BNC2: variants seen among roughly 807,000 people sequenced by gnomAD.
BNC2 encodes basonuclin zinc finger protein 2.
BNC2 carries 20 observed loss-of-function variants against 76.3 expected under a neutral mutation model. The ratio of observed to expected loss-of-function variants is 0.26; its 90% CI spans 0.18 to 0.38. The LOEUF is 0.38. Among genes scored for constraint, BNC2 ranks in the 10% least tolerant of loss-of-function variants. The probability of loss-of-function intolerance (pLI) is 1.00; values close to 1 mark genes in which losing one functional copy is unlikely to be tolerated. For missense variants in BNC2, 1,382 were observed against 1,399.8 expected, an observed-to-expected ratio of 0.99 and a Z score of 0.20; for synonymous variants, 582 against 514.8, an observed-to-expected ratio of 1.13 and a Z score of -1.77.
chr9:16,471,633 T>C (rs1821827888), intron 5 of BNC2, among the ~76,000 whole-genome samples: 1 of 152,202 alleles, frequency 6.6e-6, no homozygotes, highest in Admixed American at 6.5e-5. Flanking sequence ...GAAGGGACTT[T>C]AGCCTTGTCT....
intron 5 of BNC2, among the ~76,000 whole-genome samples, chr9:16,547,676 A>C (rs1293850285): frequency 6.6e-6 from 1 of 152,226 alleles, no homozygotes; most frequent in Non-Finnish European, 1.5e-5. Flanking sequence ...CTAGAAGAGA[A>C]GAAATTACCC....
chr9:16,824,815 C>T (rs760075118), intron 1 of BNC2, among the ~76,000 whole-genome samples: 1 of 152,118 alleles, frequency 6.6e-6, no homozygotes, highest in South Asian at 2.1e-4. Context: ...AAAGAGAACC[C>T]AAAGCCACAG....
intron 3 of BNC2, among the ~76,000 whole-genome samples, chr9:16,721,128 G>A (rs957497774): frequency 3.3e-5 from 5 of 152,168 alleles, no homozygotes; most frequent in Admixed American, 2.6e-4. Flanking sequence ...CATGGCCCCA[G>A]ACATCATTTC....
intron 3 of BNC2, among the ~76,000 whole-genome samples, chr9:16,713,014 C>A (rs1823893850): frequency 6.6e-6 from 1 of 152,202 alleles, no homozygotes; most frequent in Non-Finnish European, 1.5e-5. Context: ...GAATTCCTTT[C>A]CCTAAGAAGA....
intron 5 of BNC2, among the ~76,000 whole-genome samples, chr9:16,465,327 T>G (rs1454281126): frequency 6.7e-6 from 1 of 149,964 alleles, no homozygotes; most frequent in Non-Finnish European, 1.5e-5. Context: ...TCCCAGCTAC[T>G]ATGGAGGCTT....
chr9:16,862,703 G>T (rs184748417), intron 1 of BNC2, among the ~76,000 whole-genome samples: 1 of 152,118 alleles, frequency 6.6e-6, no homozygotes, highest in South Asian at 2.1e-4. Flanking sequence ...TCTAATTTGG[G>T]GGTTTTCATT....
At chr9:16,734,974 AAAAC>A (rs1824622313) in intron 2 of BNC2, among the ~76,000 whole-genome samples, 1 of 152,218 alleles carries the variant, frequency 6.6e-6, no homozygotes, top group Non-Finnish European at 1.5e-5. Context: ...TGTACCAACT[AAAAC>A]AATCAATGTA....
At chr9:16,630,803 G>A (rs113181486) in intron 3 of BNC2, among the ~76,000 whole-genome samples, 3,715 of 148,888 alleles carry the variant, frequency 0.025, 163 homozygotes, top group African/African-American at 0.089. Context: ...GCAACGGTGC[G>A]ATCTCGGCTC....
At chr9:16,655,236 T>C (rs1042684332) in intron 3 of BNC2, among the ~76,000 whole-genome samples, 2 of 152,124 alleles carry the variant, frequency 1.3e-5, no homozygotes, top group South Asian at 2.1e-4. Flanking sequence ...TTCATGACCA[T>C]GCTAATTTTA....
intron 1 of BNC2, among the ~76,000 whole-genome samples, chr9:16,841,574 T>G (rs770581470): frequency 1.1e-4 from 17 of 152,290 alleles, no homozygotes; most frequent in African/African-American, 2.9e-4. Context: ...GTCATTTAAG[T>G]TAACAATGGA....
At chr9:16,576,629 T>C (rs904244937) in intron 4 of BNC2, among the ~76,000 whole-genome samples, 1 of 152,238 alleles carries the variant, frequency 6.6e-6, no homozygotes, top group Non-Finnish European at 1.5e-5. Context: ...TTGATCTGCC[T>C]TGCTTGTAAG....
intron 3 of BNC2, among the ~76,000 whole-genome samples, chr9:16,712,205 C>G (rs1447688932): frequency 6.6e-6 from 1 of 152,158 alleles, no homozygotes; most frequent in African/African-American, 2.4e-5. Context: ...GTAGCATGAT[C>G]ATTAATTGTT....
At chr9:16,628,862 T>C (rs549031400) in intron 3 of BNC2, among the ~76,000 whole-genome samples, 2 of 152,292 alleles carry the variant, frequency 1.3e-5, no homozygotes, top group East Asian at 3.9e-4. Context: ...TCCAACAGCA[T>C]TGGTCTAGAA....
chr9:16,808,348 T>C (rs1817961944), intron 1 of BNC2, among the ~76,000 whole-genome samples: 1 of 152,116 alleles, frequency 6.6e-6, no homozygotes, highest in Non-Finnish European at 1.5e-5. Context: ...AATCCTGTGC[T>C]ATTCCCATTA....
At chr9:16,567,598 A>G (rs1390639397) in intron 4 of BNC2, among the ~76,000 whole-genome samples, 1 of 152,232 alleles carries the variant, frequency 6.6e-6, no homozygotes, top group Non-Finnish European at 1.5e-5. Flanking sequence ...AAATAAGAAC[A>G]TATTCAGATA....
At chr9:16,619,339 CA>C (rs111641752) in intron 3 of BNC2, among the ~76,000 whole-genome samples, 24,265 of 147,732 alleles carry the variant, frequency 0.16, 3,739 homozygotes, top group African/African-American at 0.41. Flanking sequence ...AAACAAAAAA[CA>C]AAAAAAAAAT....
intron 5 of BNC2, among the ~76,000 whole-genome samples, chr9:16,542,838 G>A (rs1167172650): frequency 6.6e-6 from 1 of 152,158 alleles, no homozygotes; most frequent in Non-Finnish European, 1.5e-5. Flanking sequence ...AAAGCTTCCA[G>A]AAACCCACAC....
At chr9:16,636,455 A>C (rs1213889997) in intron 3 of BNC2, among the ~76,000 whole-genome samples, 4 of 152,072 alleles carry the variant, frequency 2.6e-5, no homozygotes, top group Non-Finnish European at 5.9e-5. Context: ...AGAGCAGGCA[A>C]CCACACCCAG....
chr9:16,586,549 C>A (rs1455272776), intron 3 of BNC2, among the ~76,000 whole-genome samples: 1 of 152,190 alleles, frequency 6.6e-6, no homozygotes, highest in Admixed American at 6.5e-5. Flanking sequence ...CTCCTTCATT[C>A]CTGGGCTGTA....
Sources: allele counts gnomAD v4.1 joint callset (sites outside exome capture counted in the v4.1 genomes callset), GRCh38; gene constraint gnomAD v4.1.1; transcripts MANE v1.5; gene names NCBI Gene and HGNC (gene_info 2026-07-23, HGNC 2026-07-21).